ATP6V0D2: variants seen among roughly 807,000 people sequenced by gnomAD.
ATP6V0D2 encodes the protein V-type proton ATPase subunit d 2.
A neutral mutation model predicts 40.0 loss-of-function variants in ATP6V0D2; 40 were observed. The ratio of observed to expected loss-of-function variants is 1.00; its 90% CI spans 0.78 to 1.30. The LOEUF (loss-of-function observed/expected upper bound fraction) is 1.30. ATP6V0D2 is among the 50% of genes most tolerant of loss of function. The pLI, the probability that ATP6V0D2 is intolerant of heterozygous loss-of-function variation, is 0.00. For missense variants in ATP6V0D2, 470 were observed against 423.1 expected (o/e 1.11, Z -0.97); for synonymous variants, 179 against 156.3 (o/e 1.15, Z -1.08).
chr8:86,144,083 C>T (rs755170352), intron 5 of ATP6V0D2, among the ~76,000 whole-genome samples: 2 of 152,172 alleles, frequency 1.3e-5, no homozygotes, highest in Non-Finnish European at 2.9e-5. Context: ...TCAAACACCA[C>T]CATTGGTATC....
intron 1 of ATP6V0D2, among the ~76,000 whole-genome samples, chr8:86,104,985 T>G (rs1818450979): frequency 6.6e-6 from 1 of 152,094 alleles, no homozygotes; most frequent in African/African-American, 2.4e-5. Context: ...GAGCTGCACC[T>G]TCAATCACAA....
rs4333573 is a variant in ATP6V0D2, at chr8:86,152,025, G to A, written c.891+485G>A. ...TGTGCCATGGTGGGTTGCTGCACCC[G>A]TCAACCCATCATCTACTTTAGGTAT... On this transcript the variant is annotated intron_variant, in intron 7 of 7. Transcript: ENST00000285393. Among the ~76,000 whole-genome samples, 1,488 of 151,692 alleles carry A rather than the reference G, an allele frequency of 9.8e-3. 22 individuals are homozygous for A. The highest frequency in any genetic ancestry group is 0.034 in the African/African-American group (1,424 of 41,348).
intron 1 of ATP6V0D2, among the ~76,000 whole-genome samples, chr8:86,103,291 A>ATT (rs938035037): frequency 1.4e-3 from 148 of 107,438 alleles, no homozygotes; most frequent in Non-Finnish European, 2.7e-3. Context: ...CTAGTTTTGT[A>ATT]TTTTTTTTTT....
chr8:86,150,667 A>G (rs1420455775), intron 6 of ATP6V0D2, among the ~76,000 whole-genome samples: 2 of 152,158 alleles, frequency 1.3e-5, no homozygotes, highest in African/African-American at 4.8e-5. Flanking sequence ...CACTAGGGAA[A>G]CAAGGTTAGC....
chr8:86,152,185 G>T (rs780141929), intron 7 of ATP6V0D2, among the ~76,000 whole-genome samples: 1 of 151,592 alleles, frequency 6.6e-6, no homozygotes, highest in Non-Finnish European at 1.5e-5. Context: ...TGGTTTTTCT[G>T]TTCCTGTGTT....
At chr8:86,151,689 C>A in intron 7 of ATP6V0D2, 149 bp downstream of exon 7, 4 of 558,032 alleles carry the variant, frequency 7.2e-6, no homozygotes, top group Non-Finnish European at 9.5e-6. Context: ...ATTATTGCTA[C>A]AAAGTTACAC....
rs1208196259 is a variant in ATP6V0D2 at position 86,139,622 on chromosome 8, C to T, written c.468C>T (p.Ile156=). 27 of 1,596,634 alleles carry T rather than the reference C, an allele frequency of 1.7e-5. No homozygotes were observed. Among genetic ancestry groups the T allele is most frequent in the East Asian group, 2.3e-5 (1 of 44,356 alleles). Residue 156 remains isoleucine, a synonymous_variant, in exon 3 of 8, where the codon ATC becomes ATT. Coordinates refer to ENST00000285393, the MANE Select transcript of ATP6V0D2 (RefSeq NM_152565.1). ...CAGATCTCTTTAATGCCATTCTGAT[C>T]GAAACGCCATTAGGTAGGAACACTT... ...TPSDLFNAIL[I]ETPLAPFFQD...
intron 2 of ATP6V0D2, among the ~76,000 whole-genome samples, chr8:86,138,841 T>C (rs1165973939): frequency 6.6e-6 from 1 of 152,176 alleles, no homozygotes; most frequent in Non-Finnish European, 1.5e-5. Flanking sequence ...CCCCCCACCA[T>C]CACATTTGAG....
Position 86,152,970 on chromosome 8 carries a change from T to A in ATP6V0D2, c.1046T>A (p.Ile349Asn), listed in dbSNP as rs1330721686. Residue 349 changes from isoleucine (I) to asparagine (N), a missense_variant, in exon 8 of 8, where the codon ATT becomes AAT. By Grantham distance (149) the Ile-to-Asn change is moderately radical. Coordinates refer to ENST00000285393, the MANE Select transcript of ATP6V0D2 (RefSeq NM_152565.1). The stretch of plus-strand genomic sequence containing the variant: ...ACTAAAATCAACAGTTACATTCCAA[T>A]TTTATAACCCAAGTAAGGTTCTCAA... The part of the protein sequence containing the change: ...HRTKINSYIP[I>N]L 1 of 1,598,884 alleles carries A rather than the reference T, an allele frequency of 6.3e-7. No individual in the cohort carries two copies. The highest frequency in any genetic ancestry group is 1.8e-5 in the Admixed American group (1 of 56,346).
chr8:86,151,036 A>G (rs2129646645), intron 6 of ATP6V0D2, among the ~76,000 whole-genome samples: 1 of 152,324 alleles, frequency 6.6e-6, no homozygotes, highest in South Asian at 2.1e-4. Flanking sequence ...CTTTAGCGTA[A>G]TATTAAAATT....
At chr8:86,104,850 T>TACACACACACACACAC (rs146266622) in intron 1 of ATP6V0D2, among the ~76,000 whole-genome samples, 20,382 of 145,794 alleles carry the variant, frequency 0.14, 1,786 homozygotes, top group East Asian at 0.31. Flanking sequence ...TTAAAACACA[T>TACACACACACACACAC]ACACACACAC....
intron 7 of ATP6V0D2, 123 bp downstream of exon 7, chr8:86,151,663 T>A: frequency 1.5e-6 from 1 of 682,070 alleles, no homozygotes; most frequent in Non-Finnish European, 2.5e-6. Flanking sequence ...ATTCATAGCT[T>A]GATAGTCAGT....
intron 5 of ATP6V0D2, among the ~76,000 whole-genome samples, chr8:86,146,610 C>T (rs1372544935): frequency 1.3e-5 from 2 of 152,092 alleles, no homozygotes; most frequent in East Asian, 1.9e-4. Flanking sequence ...GTGGGAAGAT[C>T]GCCTCAGCCC....
chr8:86,137,877 G>C (rs754339382), intron 2 of ATP6V0D2, among the ~76,000 whole-genome samples: 1 of 152,186 alleles, frequency 6.6e-6, no homozygotes, highest in Non-Finnish European at 1.5e-5. Flanking sequence ...CTATAAAATG[G>C]AGATAATAAT....
rs1263150233 is a variant in ATP6V0D2 at position 86,129,972 on chromosome 8, G to A, written c.303-9485G>A. 1.1e-3 allele frequency among the ~76,000 whole-genome samples: 140 copies of A among 127,094 alleles called. 1 individual carries two copies. The highest frequency in any genetic ancestry group is 6.5e-4 in the Non-Finnish European group (41 of 62,726). The allele number at this position is 127,094 out of a possible 152,430, so 83.4% of individuals were successfully genotyped here. On this transcript the variant is annotated intron_variant, in intron 2 of 7. Transcript: ENST00000285393. The stretch of plus-strand genomic sequence containing the variant: ...AGCCTGGGTCACAGAGAGAGACCCT[G>A]TCTCGAAAAGAAAAAAAAAAAAAAA...
At chr8:86,138,731 T>C (rs1818929224) in intron 2 of ATP6V0D2, among the ~76,000 whole-genome samples, 2 of 152,152 alleles carry the variant, frequency 1.3e-5, no homozygotes, top group Admixed American at 1.3e-4. Context: ...TCAAATATAG[T>C]AGTCAGTTTT....
intron 4 of ATP6V0D2, among the ~76,000 whole-genome samples, chr8:86,141,888 T>C (rs370043375): frequency 5.3e-5 from 8 of 152,322 alleles, no homozygotes; most frequent in African/African-American, 1.9e-4. Flanking sequence ...TGCTATGTAG[T>C]GTTCATCTCT....
At chr8:86,112,217 A>G (rs1455789876) in intron 1 of ATP6V0D2, among the ~76,000 whole-genome samples, 2 of 152,228 alleles carry the variant, frequency 1.3e-5, no homozygotes, top group African/African-American at 4.8e-5. Context: ...ATCCTATAAT[A>G]GGTGTTATGC....
At position 86,151,753 on chromosome 8, in the gene ATP6V0D2, TTC is replaced by T. The variant is rs60337073; in HGVS notation, c.891+215_891+216del. ...TGCTGCTAAAGTTTGTAGCTTTTCT[TTC>T]TTTTTTTTTTTTTTTTTTATACCCT... On this transcript the variant is annotated intron_variant, in intron 7 of 7. Transcript: ENST00000285393. Among the ~76,000 whole-genome samples the T allele has an allele frequency of 8.2e-3, 847 of 103,544 alleles. 8 individuals carry two copies. Among genetic ancestry groups the T allele is most frequent in the African/African-American group, 0.028 (714 of 25,782 alleles). 67.9% of individuals were successfully genotyped at this position (103,544 alleles called of 152,430 possible). A position where few individuals can be genotyped will look rare whatever the true frequency, so the allele number is the denominator to read the frequency against.
Sources: gnomAD v4.1 joint callset for allele counts (sites outside exome capture counted in the v4.1 genomes callset) on GRCh38, gnomAD v4.1.1 for gene constraint, MANE v1.5 for transcripts, NCBI Gene and HGNC (gene_info 2026-07-23, HGNC 2026-07-21) for gene names.